The following EHBP1 variants were observed in gnomAD, a reference collection of about 807,000 sequenced individuals.
EHBP1 encodes EH domain binding protein 1, also known as EH domain-binding protein 1.
EHBP1 carries 55 observed loss-of-function variants against 144.0 expected under a neutral mutation model. That is an observed-to-expected ratio of 0.38 (90% CI 0.31 to 0.48). The LOEUF is 0.48. Ranked by LOEUF, EHBP1 falls within the 20% of genes least tolerant of loss-of-function variation. The pLI is 0.98. For missense variants in EHBP1, 1,200 were observed against 1,364.2 expected (o/e 0.88, Z 1.90); for synonymous variants, 469 against 472.7 (o/e 0.99, Z 0.10).
At chr2:62,780,050 T>C (rs1330297891) in intron 5 of EHBP1, among the ~76,000 whole-genome samples, 3 of 152,192 alleles carry the variant, frequency 2.0e-5, no homozygotes, top group African/African-American at 7.2e-5. Context: ...TAAGAGTTAC[T>C]GGCATGTCAG....
intron 10 of EHBP1, among the ~76,000 whole-genome samples, chr2:62,908,082 C>T (rs992823218): frequency 1.3e-5 from 2 of 152,074 alleles, no homozygotes; most frequent in African/African-American, 4.8e-5. Context: ...GCCATGTGGA[C>T]CTGGAGTTTC....
chr2:62,917,794 A>G (rs1008527457), intron 10 of EHBP1, among the ~76,000 whole-genome samples: 2 of 152,198 alleles, frequency 1.3e-5, no homozygotes, highest in African/African-American at 4.8e-5. Flanking sequence ...TGGACCAGCA[A>G]AATGTATAGG....
intron 10 of EHBP1, among the ~76,000 whole-genome samples, chr2:62,893,883 C>T (rs142536350): frequency 9.2e-5 from 14 of 152,020 alleles, no homozygotes; most frequent in Admixed American, 4.6e-4. Context: ...GTCTCCACTA[C>T]AAATACAAAA....
chr2:62,792,558 T>C (rs2152457863), intron 5 of EHBP1, among the ~76,000 whole-genome samples: 1 of 152,210 alleles, frequency 6.6e-6, no homozygotes, highest in African/African-American at 2.4e-5. Flanking sequence ...TCATCACTTA[T>C]TTATATACTA....
chr2:62,896,497 T>C (rs1396975404), intron 10 of EHBP1, among the ~76,000 whole-genome samples: 1 of 152,152 alleles, frequency 6.6e-6, no homozygotes, highest in African/African-American at 2.4e-5. Flanking sequence ...CCGTACATTT[T>C]ATTTTAACAA....
intron 19 of EHBP1, among the ~76,000 whole-genome samples, chr2:63,007,753 T>C (rs1483131597): frequency 6.6e-6 from 1 of 151,834 alleles, no homozygotes; most frequent in Admixed American, 6.6e-5. Flanking sequence ...ATTGATGATA[T>C]TCTTGAAAAT....
chr2:62,803,430 C>G (rs1388151883), intron 5 of EHBP1, among the ~76,000 whole-genome samples: 1 of 152,146 alleles, frequency 6.6e-6, no homozygotes, highest in Admixed American at 6.5e-5. Context: ...GTTTTTCACA[C>G]CCTCAGCGAT....
At chr2:62,720,032 G>C (rs1001146377) in intron 2 of EHBP1, among the ~76,000 whole-genome samples, 15 of 152,304 alleles carry the variant, frequency 9.8e-5, no homozygotes, top group African/African-American at 3.6e-4. Context: ...AATCTGTGTG[G>C]TACAGGAAAC....
intron 1 of EHBP1, among the ~76,000 whole-genome samples, chr2:62,696,283 G>A (rs2034088871): frequency 1.3e-5 from 2 of 151,062 alleles, no homozygotes; most frequent in South Asian, 2.1e-4. Flanking sequence ...CAATTCTCCT[G>A]TCTCAGCCTC....
In EHBP1 at chr2:63,025,336, G is replaced by A. The variant is rs114515226; in HGVS notation, c.3104-12199G>A. ...GATTGCTTTGATGCAGTCATAGCTC[G>A]CTGCAGCCTCCATCTGTTGGGCTCG... On this transcript the variant is annotated intron_variant, in intron 19 of 22. Transcript: ENST00000431489. Among the ~76,000 whole-genome samples, 1,035 of 152,284 alleles carry A rather than the reference G, an allele frequency of 6.8e-3. 11 individuals are homozygous for A. The highest frequency in any genetic ancestry group is 0.023 in the African/African-American group (950 of 41,556).
intron 19 of EHBP1, among the ~76,000 whole-genome samples, chr2:63,010,818 G>A (rs1280106563): frequency 6.6e-6 from 1 of 151,628 alleles, no homozygotes; most frequent in Non-Finnish European, 1.5e-5. Context: ...AAAATCCTTA[G>A]TAGGATTATT....
At position 62,756,170 on chromosome 2, in the gene EHBP1, A is replaced by G. The variant is rs144759394; in HGVS notation, c.163-8096A>G. 4.8e-4 allele frequency among the ~76,000 whole-genome samples: 73 copies of G among 151,560 alleles called. 1 individual carries two copies. Among genetic ancestry groups the G allele is most frequent in the African/African-American group, 1.5e-3 (63 of 41,394 alleles). ...TTGATATTCTTTTTTATTTCATTGCATTTACATTGAAAAGATTGAAAAGTT... is the reference window on the plus strand; with the variant it reads ...TTGATATTCTTTTTTATTTCATTGCGTTTACATTGAAAAGATTGAAAAGTT... On this transcript the variant is annotated intron_variant, in intron 3 of 22. Transcript: ENST00000431489.
rs574226595 is a variant in EHBP1, at chr2:62,830,069, T to C, written c.495-950T>C. Among the ~76,000 whole-genome samples the C allele has an allele frequency of 1.5e-3, 226 of 149,918 alleles. 1 individual carries two copies. Among genetic ancestry groups the C allele is most frequent in the African/African-American group, 5.2e-3 (210 of 40,678 alleles). ...ATGTTTATAGTGGCACAATTTGCAA[T>C]TGCAAAAATACGGAACCAGCCTAAA... On this transcript the variant is annotated intron_variant, in intron 6 of 22. Transcript: ENST00000431489.
At chr2:62,863,144 G>A (rs993413793) in intron 8 of EHBP1, among the ~76,000 whole-genome samples, 18 of 151,874 alleles carry the variant, frequency 1.2e-4, no homozygotes, top group South Asian at 2.1e-4. Flanking sequence ...TTAGCCAGGC[G>A]TGGTGGCGCA....
At chr2:62,920,022 G>A (rs1346785543) in intron 10 of EHBP1, among the ~76,000 whole-genome samples, 1 of 152,074 alleles carries the variant, frequency 6.6e-6, no homozygotes, top group East Asian at 1.9e-4. Context: ...ACACATTTTG[G>A]GATTCCCGGG....
intron 5 of EHBP1, among the ~76,000 whole-genome samples, chr2:62,783,016 G>A (rs937458795): frequency 6.6e-6 from 1 of 152,068 alleles, no homozygotes; most frequent in African/African-American, 2.4e-5. Context: ...GTGGGCGTTG[G>A]GTAAATACAC....
chr2:62,993,742 T>G, intron 17 of EHBP1, 74 bp downstream of exon 17: 1 of 741,488 alleles, frequency 1.3e-6, no homozygotes. Flanking sequence ...AGTATATATA[T>G]ATAGTATATA....
chr2:62,712,650 C>T (rs2035262933), intron 2 of EHBP1, among the ~76,000 whole-genome samples: 1 of 152,012 alleles, frequency 6.6e-6, no homozygotes, highest in South Asian at 2.1e-4. Context: ...AGTGATGAAC[C>T]ATGGAATATA....
intron 1 of EHBP1, among the ~76,000 whole-genome samples, chr2:62,674,578 A>G (rs1046489691): frequency 1.3e-5 from 2 of 152,226 alleles, no homozygotes; most frequent in Non-Finnish European, 2.9e-5. Flanking sequence ...TGATGCCTGT[A>G]TAAGTTGACA....
Sources: gnomAD v4.1 joint callset for allele counts (sites outside exome capture counted in the v4.1 genomes callset) on GRCh38, gnomAD v4.1.1 for gene constraint, MANE v1.5 for transcripts, NCBI Gene and HGNC (gene_info 2026-07-23, HGNC 2026-07-21) for gene names.